The following FHL5 variants were observed in gnomAD, a reference collection of about 807,000 sequenced individuals.
FHL5 encodes the protein four and a half LIM domains protein 5.
In FHL5, 33 loss-of-function variants were observed where a neutral mutation model predicts 32.0. That is an observed-to-expected ratio of 1.03 (90% CI 0.78 to 1.38). The LOEUF is 1.38. Among genes scored for constraint, FHL5 ranks in the 40% most tolerant of loss-of-function variants. The pLI, the probability that FHL5 is intolerant of heterozygous loss-of-function variation, is 0.00. For synonymous variants in FHL5, 114 were observed against 113.6 expected (o/e 1.00, Z -0.02); for missense variants, 336 against 343.9 (o/e 0.98, Z 0.18).
intron 1 of FHL5, among the ~76,000 whole-genome samples, chr6:96,602,905 A>T (rs1771184942): frequency 6.6e-6 from 1 of 152,146 alleles, no homozygotes; most frequent in Non-Finnish European, 1.5e-5. Flanking sequence ...TGGTCTGAGA[A>T]TCCTACCTGC....
At chr6:96,588,439 T>A (rs1289672642) in intron 1 of FHL5, among the ~76,000 whole-genome samples, 1 of 152,128 alleles carries the variant, frequency 6.6e-6, no homozygotes, top group Non-Finnish European at 1.5e-5. Flanking sequence ...TGACCTCAGG[T>A]GATCCACCTG....
intron 2 of FHL5, 79 bp downstream of exon 2, chr6:96,603,851 G>A (rs371485339): frequency 8.7e-7 from 1 of 1,148,870 alleles, no homozygotes; most frequent in Non-Finnish European, 1.2e-6. Flanking sequence ...TTCATTTAGT[G>A]TTGACTTTCA....
chr6:96,582,932 A>G (rs996407526), intron 1 of FHL5, among the ~76,000 whole-genome samples: 4 of 152,140 alleles, frequency 2.6e-5, no homozygotes, highest in Non-Finnish European at 2.9e-5. Context: ...CCTACAACTG[A>G]CTTACCCATG....
In FHL5 at chr6:96,618,133, T is replaced by A. The variant is rs1771559654; in HGVS notation, c.*2361T>A. ...CAACTAAGAAAAAGACCTCCTTAGGTCTTTGCGTAACACACACAAAGATAA... is the reference window on the plus strand; with the variant it reads ...CAACTAAGAAAAAGACCTCCTTAGGACTTTGCGTAACACACACAAAGATAA... On this transcript the variant is annotated 3_prime_UTR_variant, in exon 6 of 6. Coordinates refer to ENST00000450218, the MANE Select transcript of FHL5 (RefSeq NM_001322466.2). Among the ~76,000 whole-genome samples, 1 of 152,166 alleles carries A rather than the reference T, an allele frequency of 6.6e-6. No homozygotes were observed. The highest frequency in any genetic ancestry group is 1.5e-5 in the Non-Finnish European group (1 of 68,038).
In FHL5 at chr6:96,581,811, TA is replaced by T. The variant is rs1017001299; in HGVS notation, c.-13+18463del. Among the ~76,000 whole-genome samples, 15 of 152,236 alleles carry T rather than the reference TA, an allele frequency of 9.9e-5. No individual in the cohort carries two copies. The East Asian group carries it at 1.2e-3, about 12-fold the overall frequency. On this transcript the variant is annotated intron_variant, in intron 1 of 5. Transcript: ENST00000450218. ...AAAACCCTGGCACAATTAATAGTCT[TA>T]AAAAAATGTTATAGAATACTTGTTG... is the stretch of plus-strand genomic sequence containing the variant.
At chr6:96,586,274 T>TA (rs1423580133) in intron 1 of FHL5, among the ~76,000 whole-genome samples, 1 of 152,216 alleles carries the variant, frequency 6.6e-6, no homozygotes, top group Non-Finnish European at 1.5e-5. Flanking sequence ...ACTTGTTTTT[T>TA]AAAAAACATT....
intron 4 of FHL5, among the ~76,000 whole-genome samples, chr6:96,606,673 A>T (rs1163663263): frequency 6.6e-6 from 1 of 152,118 alleles, no homozygotes; most frequent in Non-Finnish European, 1.5e-5. Context: ...TTTATACAAG[A>T]TCTCACGTAT....
chr6:96,604,989 C>T, intron 3 of FHL5, 65 bp downstream of exon 3: 1 of 1,297,256 alleles, frequency 7.7e-7, no homozygotes, highest in Non-Finnish European at 1.1e-6. Context: ...AGTCCCAGCA[C>T]ATGAGGAGTG....
intron 1 of FHL5, among the ~76,000 whole-genome samples, chr6:96,572,664 A>C (rs1770503753): frequency 6.6e-6 from 1 of 152,188 alleles, no homozygotes; most frequent in African/African-American, 2.4e-5. Flanking sequence ...ACAGCTATAT[A>C]GACTCCAGGC....
chr6:96,592,230 G>C (rs535051099), intron 1 of FHL5, among the ~76,000 whole-genome samples: 28 of 152,190 alleles, frequency 1.8e-4, no homozygotes, highest in African/African-American at 6.5e-4. Flanking sequence ...CATAGAAGAT[G>C]GCCACACCCA....
chr6:96,590,251 T>C (rs1188100289), intron 1 of FHL5, among the ~76,000 whole-genome samples: 1 of 152,036 alleles, frequency 6.6e-6, no homozygotes, highest in East Asian at 1.9e-4. Flanking sequence ...ACCTTCACAA[T>C]AGTAAGTCTT....
At position 96,567,708 on chromosome 6, in the gene FHL5, T is replaced by G. The variant is rs542113554; in HGVS notation, c.-13+4353T>G. Among the ~76,000 whole-genome samples, 3 of 151,666 alleles carry G rather than the reference T, an allele frequency of 2.0e-5. No individual in the cohort carries two copies. The South Asian group carries it at 6.2e-4, about 31-fold the overall frequency. On this transcript the variant is annotated intron_variant, in intron 1 of 5. Transcript: ENST00000450218. Reference sequence around the variant, plus strand: ...TTATTGTAGAGATCTTTCACCTCCTTGGTTAAATATATTCCTACATGGCTT... The same window carrying G: ...TTATTGTAGAGATCTTTCACCTCCTGGGTTAAATATATTCCTACATGGCTT...
At chr6:96,574,976 G>A (rs1291161344) in intron 1 of FHL5, among the ~76,000 whole-genome samples, 1 of 152,126 alleles carries the variant, frequency 6.6e-6, no homozygotes, top group Non-Finnish European at 1.5e-5. Flanking sequence ...TAGGTGACAA[G>A]TTAAATTTTC....
chr6:96,607,800 T>C (rs778912831), intron 4 of FHL5, among the ~76,000 whole-genome samples: 1 of 151,194 alleles, frequency 6.6e-6, no homozygotes, highest in Non-Finnish European at 1.5e-5. Flanking sequence ...CTGGGCAACA[T>C]AGTGACACCC....
At chr6:96,573,952 G>C (rs888704979) in intron 1 of FHL5, among the ~76,000 whole-genome samples, 2 of 151,520 alleles carry the variant, frequency 1.3e-5, no homozygotes, top group Non-Finnish European at 2.9e-5. Context: ...GAAAGGTACT[G>C]AAAAGTAAAA....
In FHL5 at chr6:96,576,110, C is replaced by T. The variant is rs190156693; in HGVS notation, c.-13+12755C>T. 4.0e-4 allele frequency among the ~76,000 whole-genome samples: 61 copies of T among 152,274 alleles called. 1 individual carries two copies. The East Asian group carries it at 8.3e-3, about 21-fold the overall frequency. The stretch of plus-strand genomic sequence containing the variant: ...TAGGAACCTCCACCTACTTTGTCTT[C>T]GAGACTACCTTTTATTCAACCTTCA... On this transcript the variant is annotated intron_variant, in intron 1 of 5. Transcript: ENST00000450218.
Position 96,581,665 on chromosome 6 carries a change from G to A in FHL5, c.-13+18310G>A, listed in dbSNP as rs554984804. On this transcript the variant is annotated intron_variant, in intron 1 of 5. Coordinates refer to ENST00000450218, the MANE Select transcript of FHL5 (RefSeq NM_001322466.2). ...ATGGCAAGTGAAAGCTGGTAGAAAC[G>A]GTGTTAAGTAGGTGAATCAATGAGG... 7.2e-5 allele frequency among the ~76,000 whole-genome samples: 11 copies of A among 152,274 alleles called. No individual in the cohort carries two copies. In the East Asian group the frequency reaches 7.7e-4, roughly 11 times the overall value.
chr6:96,589,233 G>C (rs1352040977), intron 1 of FHL5, among the ~76,000 whole-genome samples: 2 of 152,002 alleles, frequency 1.3e-5, no homozygotes, highest in East Asian at 1.9e-4. Context: ...CTGCCTTAAT[G>C]ATGACAAGTT....
chr6:96,588,130 A>C (rs1301715442), intron 1 of FHL5, among the ~76,000 whole-genome samples: 1 of 152,248 alleles, frequency 6.6e-6, no homozygotes, highest in Non-Finnish European at 1.5e-5. Flanking sequence ...TTTACAATGT[A>C]ATGAAAAATT....
Sources: gnomAD v4.1 joint callset for allele counts (sites outside exome capture counted in the v4.1 genomes callset) on GRCh38, gnomAD v4.1.1 for gene constraint, MANE v1.5 for transcripts, NCBI Gene and HGNC (gene_info 2026-07-23, HGNC 2026-07-21) for gene names.